LYRM4: variants seen among roughly 807,000 people sequenced by gnomAD.
The protein encoded by LYRM4 is LYR motif-containing protein 4.
Under a neutral mutation model 11.7 loss-of-function variants are expected in LYRM4, and 9 were observed. That is an observed-to-expected ratio of 0.77 (90% CI 0.46 to 1.34). The LOEUF is 1.34. Among genes scored for constraint, LYRM4 ranks in the 40% most tolerant of loss-of-function variants. The pLI is 0.00. For synonymous variants in LYRM4, 42 were observed against 40.4 expected, an observed-to-expected ratio of 1.04 and a Z score of -0.15; for missense variants, 133 against 112.5, an observed-to-expected ratio of 1.18 and a Z score of -0.82.
At chr6:5,148,465 C>A (rs1757879124) in intron 2 of LYRM4, 1 of 164,506 alleles carries the variant, frequency 6.1e-6, no homozygotes. Context: ...TAATCCTGAG[C>A]TGGGCTGAGG....
intron 2 of LYRM4, among the ~76,000 whole-genome samples, chr6:5,186,368 G>A (rs1760392561): frequency 6.6e-6 from 1 of 152,126 alleles, no homozygotes; most frequent in African/African-American, 2.4e-5. Context: ...GCAAAAGGAT[G>A]GATGTTTCCT....
At chr6:5,221,590 G>C (rs1762586944) in intron 1 of LYRM4, among the ~76,000 whole-genome samples, 1 of 152,258 alleles carries the variant, frequency 6.6e-6, no homozygotes, top group African/African-American at 2.4e-5. Context: ...CTACCTGGGA[G>C]GCTGAGACAG....
chr6:5,235,233 C>G (rs1198119379), intron 1 of LYRM4, among the ~76,000 whole-genome samples: 3 of 152,144 alleles, frequency 2.0e-5, no homozygotes, highest in African/African-American at 7.2e-5. Context: ...ACCTCCGGCT[C>G]CTGGGTTCAC....
At chr6:5,191,738 A>ATT (rs1760767303) in intron 2 of LYRM4, among the ~76,000 whole-genome samples, 1 of 152,206 alleles carries the variant, frequency 6.6e-6, no homozygotes, top group Admixed American at 6.5e-5. Flanking sequence ...TGGGGAACAG[A>ATT]TTTATTAATT....
At chr6:5,079,875 T>C in the LYRM4 span, among the ~76,000 whole-genome samples, 8 of 152,224 alleles carry the variant, frequency 5.3e-5, no homozygotes, top group African/African-American at 1.7e-4. Context: ...TCACCAATGA[T>C]TGTGCAAGCT....
At chr6:5,111,831 C>T (rs1257122274) in intron 2 of LYRM4, among the ~76,000 whole-genome samples, 1 of 152,228 alleles carries the variant, frequency 6.6e-6, no homozygotes, top group East Asian at 1.9e-4. Context: ...TTCACTTCCT[C>T]TCGTCTCAGT....
In LYRM4 at chr6:5,180,499, G is replaced by A. The variant is rs1001632546; in HGVS notation, c.207+36119C>T. ...GCCTCCCTAATGTTACCTAACCTTAGGTAGGTTGCAGCTTGGATCTCACCA... is the reference window on the plus strand; with the variant it reads ...GCCTCCCTAATGTTACCTAACCTTAAGTAGGTTGCAGCTTGGATCTCACCA... On this transcript the variant is annotated intron_variant, in intron 2 of 2. Coordinates refer to ENST00000330636, the MANE Select transcript of LYRM4 (RefSeq NM_020408.6). Among the ~76,000 whole-genome samples, 6 of 152,282 alleles carry A rather than the reference G, an allele frequency of 3.9e-5. 1 individual carries two copies. The South Asian group carries it at 6.2e-4, about 16-fold the overall frequency.
chr6:5,258,511 C>T (rs1764786739), intron 1 of LYRM4, among the ~76,000 whole-genome samples: 1 of 152,164 alleles, frequency 6.6e-6, no homozygotes, highest in Admixed American at 6.5e-5. Context: ...TGTTGTGTTG[C>T]TATTGATTTG....
intron 2 of LYRM4, among the ~76,000 whole-genome samples, chr6:5,126,135 T>A (rs547330927): frequency 1.3e-5 from 2 of 152,372 alleles, no homozygotes; most frequent in African/African-American, 4.8e-5. Context: ...ATATGAAGAT[T>A]ATTTCCTTTA....
intron 2 of LYRM4, among the ~76,000 whole-genome samples, chr6:5,147,049 T>C (rs1427052248): frequency 1.3e-5 from 2 of 152,192 alleles, no homozygotes; most frequent in African/African-American, 2.4e-5. Flanking sequence ...TAGTTGGCAG[T>C]CAAACCCCAG....
chr6:5,136,713 A>T (rs1757120010), intron 2 of LYRM4: 2 of 985,278 alleles, frequency 2.0e-6, no homozygotes, highest in Admixed American at 1.2e-4. Flanking sequence ...TGTGGTAATG[A>T]CATGCTAAAC....
At chr6:5,240,198 G>C (rs941328413) in intron 1 of LYRM4, among the ~76,000 whole-genome samples, 3 of 151,856 alleles carry the variant, frequency 2.0e-5, no homozygotes, top group Non-Finnish European at 4.4e-5. Flanking sequence ...CCTTCTCTAC[G>C]TCTGCTTGTT....
chr6:5,256,491 G>GA (rs1161084364), intron 1 of LYRM4, among the ~76,000 whole-genome samples: 2 of 43,860 alleles, frequency 4.6e-5, no homozygotes, highest in Non-Finnish European at 7.3e-5. Context: ...ATTTCAACTG[G>GA]AAAAAAAAAA....
At chr6:5,197,648 T>C (rs1036952173) in intron 2 of LYRM4, among the ~76,000 whole-genome samples, 1 of 152,028 alleles carries the variant, frequency 6.6e-6, no homozygotes, top group Non-Finnish European at 1.5e-5. Context: ...CACTCCAACT[T>C]GGGTGACAGA....
intron 2 of LYRM4, among the ~76,000 whole-genome samples, chr6:5,129,746 T>C (rs1366336109): frequency 1.3e-5 from 2 of 152,240 alleles, no homozygotes; most frequent in Non-Finnish European, 2.9e-5. Context: ...CTTTATGGCT[T>C]TGTTGAAAAC....
the LYRM4 span, among the ~76,000 whole-genome samples, chr6:5,082,650 T>C: frequency 6.6e-6 from 1 of 152,374 alleles, no homozygotes; most frequent in African/African-American, 2.4e-5. Context: ...ACTCACATTG[T>C]TTCTGTCCCC....
At chr6:5,148,566 C>CA (rs1455113825) in intron 2 of LYRM4, among the ~76,000 whole-genome samples, 2 of 14,280 alleles carry the variant, frequency 1.4e-4, no homozygotes, top group African/African-American at 5.6e-4. Context: ...GTCTCAAGTG[C>CA]AAAACATGGA....
chr6:5,071,741 G>A, the LYRM4 span, among the ~76,000 whole-genome samples: 36 of 152,118 alleles, frequency 2.4e-4, no homozygotes, highest in African/African-American at 7.7e-4. Flanking sequence ...TGGCTCACAC[G>A]ATTCTCCTGC....
chr6:5,078,597 T>C, the LYRM4 span, among the ~76,000 whole-genome samples: 2 of 152,220 alleles, frequency 1.3e-5, no homozygotes, highest in Non-Finnish European at 2.9e-5. Context: ...TCTCCCTGGC[T>C]TTATATTCTG....
Sources: allele counts gnomAD v4.1 joint callset (sites outside exome capture counted in the v4.1 genomes callset), GRCh38; gene constraint gnomAD v4.1.1; transcripts MANE v1.5; gene names NCBI Gene and HGNC (gene_info 2026-07-23, HGNC 2026-07-21).